The following INSRR variants were observed in gnomAD, a reference collection of about 807,000 sequenced individuals.
The protein encoded by INSRR is insulin receptor-related protein.
A neutral mutation model predicts 130.0 loss-of-function variants in INSRR; 114 were observed. The observed-to-expected ratio is 0.88, with a 90% CI of 0.75 to 1.02. INSRR has a LOEUF of 1.02. Ranked by LOEUF, INSRR falls within the 50% of genes least tolerant of loss-of-function variation. INSRR has a pLI of 0.00. For synonymous variants in INSRR, 674 were observed against 705.2 expected, an observed-to-expected ratio of 0.96 and a Z score of 0.70; for missense variants, 1,657 against 1,735.2, an observed-to-expected ratio of 0.95 and a Z score of 0.80.
intron 2 of INSRR, among the ~76,000 whole-genome samples, chr1:156,852,610 G>T (rs2102868216): frequency 6.6e-6 from 1 of 152,318 alleles, no homozygotes; most frequent in African/African-American, 2.4e-5. Context: ...GCCGACATCT[G>T]TCGTTTTACC....
Position 156,845,771 on chromosome 1 carries a change from G to A in INSRR, c.2022C>T (p.Gly674=), listed in dbSNP as rs1164004231. The part of the protein sequence containing the change: ...PTSNNDPRFD[G]EDGDPEAEME... ...TCTCGGCCTCAGGATCCCCGTCTTCGCCGTCGAAGCGCGGATCGTTGTTGC... is the reference window on the plus strand; with the variant it reads ...TCTCGGCCTCAGGATCCCCGTCTTCACCGTCGAAGCGCGGATCGTTGTTGC... Residue 674 remains glycine, a synonymous_variant, in exon 10 of 22, where the codon GGC becomes GGT. Transcript: ENST00000368195. 6.2e-7 allele frequency: 1 copy of A among 1,613,132 alleles called. No individual in the cohort carries two copies.
Position 156,844,541 on chromosome 1 carries a change from G to C in INSRR, c.2658C>G (p.Tyr886Ter). ...GTGAGGTTGCCCTAACCCTGGCAGA[G>C]TAGTTTCCAGGGGGCAGCAGGGCCA... ...VHLALLPPGN[Y>*]SARVRATSLA... The change falls in exon 14 of 22, where the codon TAC becomes TAG. Residue 886 changes from tyrosine (Y) to a stop codon, truncating the protein, a stop_gained. Transcript: ENST00000368195. LOFTEE classifies it high-confidence loss of function. 6.2e-7 allele frequency: 1 copy of C among 1,614,198 alleles called. No individual in the cohort carries two copies. The highest frequency in any genetic ancestry group is 8.5e-7 in the Non-Finnish European group (1 of 1,180,042).
chr1:156,841,761 T>C lies in INSRR; in HGVS notation c.3431A>G (p.Asp1144Gly). 1 of 1,614,066 alleles carries C rather than the reference T, an allele frequency of 6.2e-7. No individual in the cohort carries two copies. Among genetic ancestry groups the C allele is most frequent in the South Asian group, 1.1e-5 (1 of 91,072 alleles). Residue 1144 changes from aspartate (D) to glycine (G), a missense_variant, in exon 20 of 22, where the codon GAC (aspartate) becomes GGC (glycine). Asp to Gly is a moderately conservative substitution (Grantham distance 94). Coordinates refer to ENST00000368195, the MANE Select transcript of INSRR (RefSeq NM_014215.3). Reference protein sequence around the residue: ...FGMTRDVYETDYYRKGGKGLL... With the variant: ...FGMTRDVYETGYYRKGGKGLL... The stretch of plus-strand genomic sequence containing the variant: ...CCCCTTCCCACCCTTGCGGTAATAG[T>C]CTGTCTCATACACGTCCCGAGTCAT...
chr1:156,849,566 G>T (rs755323628), intron 5 of INSRR, 106 bp from the exon 6 acceptor site: 70 of 798,024 alleles, frequency 8.8e-5, no homozygotes, highest in Non-Finnish European at 1.2e-4. Flanking sequence ...GGCCCGGGGA[G>T]AGGGGCACTC....
chr1:156,855,096 T>C (rs533107561), intron 1 of INSRR, among the ~76,000 whole-genome samples: 1 of 152,274 alleles, frequency 6.6e-6, no homozygotes, highest in African/African-American at 2.4e-5. Flanking sequence ...AGAATCCTCT[T>C]CCCTCTACAT....
Position 156,841,690 on chromosome 1 carries a change from T to G in INSRR, c.3502A>C (p.Ile1168Leu). 1 of 1,613,898 alleles carries G rather than the reference T, an allele frequency of 6.2e-7. No homozygotes were observed. The highest frequency in any genetic ancestry group is 8.5e-7 in the Non-Finnish European group (1 of 1,179,900). The change falls in exon 20 of 22, where the codon ATC becomes CTC. Residue 1168 changes from isoleucine (I) to leucine (L), a missense_variant. Ile to Leu is a conservative substitution (Grantham distance 5). Coordinates refer to ENST00000368195, the MANE Select transcript of INSRR (RefSeq NM_014215.3). Reference sequence around the variant, plus strand: ...CAGACATCCGAGTGGGTGGTGAAGATCCCATCTTTGAGGGACTCGGGGGCC... The same window carrying G: ...CAGACATCCGAGTGGGTGGTGAAGAGCCCATCTTTGAGGGACTCGGGGGCC... ...WMAPESLKDG[I>L]FTTHSDVWSF...
chr1:156,849,125 T>C, intron 6 of INSRR, 78 bp from the exon 7 acceptor site: 2 of 1,597,074 alleles, frequency 1.3e-6, no homozygotes, highest in East Asian at 2.2e-5. Context: ...CGGCATCCCA[T>C]TCCCAGTGAG....
In INSRR at chr1:156,854,500, C is replaced by A. The variant is rs944390837; in HGVS notation, c.86-197G>T. 6.6e-6 allele frequency among the ~76,000 whole-genome samples: 1 copy of A among 152,106 alleles called. No homozygotes were observed. Among genetic ancestry groups the A allele is most frequent in the Non-Finnish European group, 1.5e-5 (1 of 68,022 alleles). ...GCCTGCAGGGTCTCTACCAGATGAG[C>A]CACACAGGCAAAAATGAACTCCTGA... On this transcript the variant is annotated intron_variant, in intron 1 of 21. Transcript: ENST00000368195. This position sits in a 1 kb window ranked among gnomAD's most constrained non-coding sequence, Gnocchi z 4.2.
At position 156,849,011 on chromosome 1, in the gene INSRR, G is replaced by T; in HGVS notation, c.1481C>A (p.Thr494Lys). 2.5e-6 allele frequency: 4 copies of T among 1,613,456 alleles called. No individual in the cohort carries two copies. In the South Asian group the frequency reaches 3.3e-5, roughly 13 times the overall value. Residue 494 changes from threonine to lysine, a missense_variant, in exon 7 of 22, where the codon ACG becomes AAG. Physicochemically the swap from Thr to Lys is moderately conservative, Grantham distance 78. Coordinates refer to ENST00000368195, the MANE Select transcript of INSRR (RefSeq NM_014215.3). ...GCGTAGCAGGATGCGGTCTGCCTCCGTCACGTTGGACACGAAGCGCAGGGT... is the reference window on the plus strand; with the variant it reads ...GCGTAGCAGGATGCGGTCTGCCTCCTTCACGTTGGACACGAAGCGCAGGGT... ...TRTLRFVSNVTEADRILLRWE... is the reference protein window; with the variant it reads ...TRTLRFVSNVKEADRILLRWE...
chr1:156,844,854 G>A lies in INSRR; in HGVS notation c.2438-11C>T. ...TACCATCAGCCTCTCCTGCGGGAAG[G>A]GGCATCCAGCAGCCGGGCCAAAAGT... On this transcript the variant is annotated splice_polypyrimidine_tract_variant and intron_variant, in intron 12 of 21. Coordinates refer to ENST00000368195, the MANE Select transcript of INSRR (RefSeq NM_014215.3). 3 of 1,613,780 alleles carry A rather than the reference G, an allele frequency of 1.9e-6. No homozygotes were observed. The highest frequency in any genetic ancestry group is 2.2e-5 in the East Asian group (1 of 44,858).
intron 8 of INSRR, 96 bp downstream of exon 8, chr1:156,846,423 G>A: frequency 9.8e-7 from 1 of 1,015,536 alleles, no homozygotes; most frequent in South Asian, 1.5e-5. Context: ...TGGGCCAGGT[G>A]TTCAGTGCCC....
intron 1 of INSRR, among the ~76,000 whole-genome samples, chr1:156,856,796 T>G (rs1655420276): frequency 6.6e-6 from 1 of 152,142 alleles, no homozygotes; most frequent in Non-Finnish European, 1.5e-5. Context: ...CCAAGTTCAC[T>G]CCTTCCTTGG....
chr1:156,841,016 G>T lies in INSRR; in HGVS notation c.3751C>A (p.Arg1251=). 1 of 1,608,304 alleles carries T rather than the reference G, an allele frequency of 6.2e-7. No homozygotes were observed. Among genetic ancestry groups the T allele is most frequent in the South Asian group, 1.1e-5 (1 of 90,094 alleles). The change falls in exon 22 of 22, where the codon CGG becomes AGG. Residue 1251 remains arginine (R), a synonymous_variant. Transcript: ENST00000368195. ...AAGGAGAGGAGGCGGAAGGAGGGCC[G>T]CAGCTCCTCCTGTATGCTGTCCAGA... ...HILDSIQEEL[R]PSFRLLSFYY...
chr1:156,855,037 C>G (rs1299221736), intron 1 of INSRR, among the ~76,000 whole-genome samples: 1 of 152,158 alleles, frequency 6.6e-6, no homozygotes, highest in East Asian at 1.9e-4. Flanking sequence ...CTATAACAAG[C>G]CAGCAAAGCT....
chr1:156,858,327 T>C (rs1655482345), intron 1 of INSRR, among the ~76,000 whole-genome samples: 1 of 152,154 alleles, frequency 6.6e-6, no homozygotes, highest in Non-Finnish European at 1.5e-5. Flanking sequence ...GTTTTGAAGC[T>C]CTTCTCATCT....
Position 156,843,412 on chromosome 1 carries a change from C to T in INSRR, c.2896+15G>A, listed in dbSNP as rs775824972. The T allele has an allele frequency of 1.2e-6, 2 of 1,613,782 alleles. No homozygotes were observed. Among genetic ancestry groups the T allele is most frequent in the Admixed American group, 3.3e-5 (2 of 60,024 alleles). On this transcript the variant is annotated intron_variant, in intron 16 of 21. Transcript: ENST00000368195. ...CCCTTTCCCACACCACCTGTCCACC[C>T]ACTCCCAGACCTACTATCAGAGGCG...
In INSRR at chr1:156,851,996, TCAGCTGTGACACAGCGCC is replaced by T. The variant is rs762019007; in HGVS notation, c.815_832del (p.Trp272_Glu278delinsTer). ...CACAGAGTGCAGGCTGGCACAGCGC[TCAGCTGTGACACAGCGCC>T]AGGACTCATACTGGTAGGTGCCTGG... On this transcript the variant is annotated stop_gained and inframe_deletion, in exon 3 of 22. Coordinates refer to ENST00000368195, the MANE Select transcript of INSRR (RefSeq NM_014215.3). LOFTEE classifies it high-confidence loss of function. 7 of 1,611,986 alleles carry T rather than the reference TCAGCTGTGACACAGCGCC, an allele frequency of 4.3e-6. No homozygotes were observed. The highest frequency in any genetic ancestry group is 5.9e-6 in the Non-Finnish European group (7 of 1,178,828).
At position 156,853,887 on chromosome 1, in the gene INSRR, C is replaced by T. The variant is rs752601283; in HGVS notation, c.502G>A (p.Val168Met). ...CACTCCTCGCCCAGCTTGTTGCCCA[C>T]GATGTGGTTGGCGCCAGGTGCTGGC... ...LQPAPGANHIVGNKLGEECAD... is the reference protein window; with the variant it reads ...LQPAPGANHIMGNKLGEECAD... The change falls in exon 2 of 22, where the codon GTG becomes ATG. Residue 168 changes from valine (V) to methionine (M), a missense_variant. By Grantham distance (21) the Val-to-Met change is conservative (BLOSUM62 1). Transcript: ENST00000368195. The T allele has an allele frequency of 1.2e-5, 20 of 1,614,068 alleles. No homozygotes were observed. The highest frequency in any genetic ancestry group is 4.0e-5 in the African/African-American group (3 of 74,950).
In INSRR at chr1:156,849,399, C is replaced by A. The variant is rs745638615; in HGVS notation, c.1291G>T (p.Ala431Ser). The A allele has an allele frequency of 4.4e-5, 71 of 1,611,272 alleles. No individual in the cohort carries two copies. Among genetic ancestry groups the A allele is most frequent in the Non-Finnish European group, 5.9e-5 (70 of 1,178,662 alleles). Residue 431 changes from alanine to serine, a missense_variant, in exon 6 of 22, where the codon GCG (alanine) becomes TCG (serine). Ala to Ser is a moderately conservative substitution (Grantham distance 99). Coordinates refer to ENST00000368195, the MANE Select transcript of INSRR (RefSeq NM_014215.3). ...TTGCCCACGGGAATGGTGAGCCCCG[C>A]GGCCACCCAGGACCCTAGCTGTTGT... ...NLQQLGSWVAAGLTIPVGKIY... is the reference protein window; with the variant it reads ...NLQQLGSWVASGLTIPVGKIY...
Sources: gnomAD v4.1 joint callset for allele counts (sites outside exome capture counted in the v4.1 genomes callset) on GRCh38, gnomAD v4.1.1 for gene constraint, Gnocchi (gnomAD v3.1) non-coding constraint, MANE v1.5 for transcripts, NCBI Gene and HGNC (gene_info 2026-07-23, HGNC 2026-07-21) for gene names.